CSMD1: variants seen among roughly 807,000 people sequenced by gnomAD.
The protein encoded by CSMD1 is CUB and Sushi multiple domains 1, also known as CUB and sushi domain-containing protein 1.
Under a neutral mutation model 417.5 loss-of-function variants are expected in CSMD1, and 213 were observed. The observed-to-expected ratio is 0.51, with a 90% CI of 0.46 to 0.57. CSMD1 has a LOEUF of 0.57. CSMD1 is among the 20% of genes least tolerant of loss of function. The probability of loss-of-function intolerance (pLI) is 0.00; values close to 1 mark genes in which losing one functional copy is unlikely to be tolerated. For missense variants in CSMD1, 6,923 were observed against 4,529.7 expected (o/e 1.53, Z -15.17); for synonymous variants, 2,862 against 1,736.8 (o/e 1.65, Z -16.11).
At chr8:4,331,463 C>T (rs1198275649) in intron 3 of CSMD1, among the ~76,000 whole-genome samples, 1 of 152,128 alleles carries the variant, frequency 6.6e-6, no homozygotes, top group Non-Finnish European at 1.5e-5. Flanking sequence ...AGAGCCTTGC[C>T]AGCCTTCTTT....
At chr8:3,061,440 A>G (rs1812582393) in intron 49 of CSMD1, among the ~76,000 whole-genome samples, 1 of 152,248 alleles carries the variant, frequency 6.6e-6, no homozygotes, top group Non-Finnish European at 1.5e-5. Context: ...AATGTTCGGG[A>G]CATTTACCAT....
intron 6 of CSMD1, among the ~76,000 whole-genome samples, chr8:3,713,743 G>A (rs929691559): frequency 6.6e-6 from 1 of 152,214 alleles, no homozygotes; most frequent in Admixed American, 6.5e-5. Flanking sequence ...AATATGAGGA[G>A]ATGCCATTGC....
intron 3 of CSMD1, among the ~76,000 whole-genome samples, chr8:4,034,557 A>T (rs373926680): frequency 6.6e-6 from 1 of 152,212 alleles, no homozygotes; most frequent in Non-Finnish European, 1.5e-5. Flanking sequence ...TTTCCATTTT[A>T]TCAGGGCAGC....
chr8:4,501,428 G>C (rs1425598827), intron 2 of CSMD1, among the ~76,000 whole-genome samples: 1 of 152,084 alleles, frequency 6.6e-6, no homozygotes, highest in African/African-American at 2.4e-5. Context: ...GGAAGACTTT[G>C]AAGAAGTCGA....
At chr8:4,201,261 G>C (rs1799627326) in intron 3 of CSMD1, among the ~76,000 whole-genome samples, 1 of 152,118 alleles carries the variant, frequency 6.6e-6, no homozygotes, top group African/African-American at 2.4e-5. Context: ...ATTCAGGGCC[G>C]GGCGCAGTGG....
intron 1 of CSMD1, among the ~76,000 whole-genome samples, chr8:4,950,347 A>G (rs116463171): frequency 0.016 from 2,429 of 152,242 alleles, 43 homozygotes; most frequent in African/African-American, 0.044. Context: ...TAAAAGACAG[A>G]TTTTCAAAAG....
At chr8:4,112,640 G>C (rs1006348304) in intron 3 of CSMD1, among the ~76,000 whole-genome samples, 3 of 152,088 alleles carry the variant, frequency 2.0e-5, no homozygotes, top group Non-Finnish European at 4.4e-5. Context: ...CTGTCCAAAG[G>C]GGATCCTGCC....
intron 7 of CSMD1, among the ~76,000 whole-genome samples, chr8:3,623,724 C>T (rs985069266): frequency 2.6e-5 from 4 of 152,104 alleles, no homozygotes; most frequent in African/African-American, 9.7e-5. Flanking sequence ...GCCTGTAATC[C>T]TAGCACTTTG....
chr8:3,308,732 G>GTTTTTTTTTTTTT (rs5888961), intron 23 of CSMD1, among the ~76,000 whole-genome samples: 40 of 108,950 alleles, frequency 3.7e-4, no homozygotes, highest in East Asian at 1.3e-3. Flanking sequence ...CTACTTACAA[G>GTTTTTTTTTTTTT]TTTTTTTTTT....
intron 10 of CSMD1, among the ~76,000 whole-genome samples, chr8:3,523,314 CTAAAT>C (rs1051754773): frequency 6.6e-6 from 1 of 152,142 alleles, no homozygotes; most frequent in Non-Finnish European, 1.5e-5. Context: ...TTTTGCTTTA[CTAAAT>C]TATTTTGTTC....
chr8:4,476,851 C>T (rs1246922786), intron 2 of CSMD1, among the ~76,000 whole-genome samples: 1 of 152,142 alleles, frequency 6.6e-6, no homozygotes, highest in African/African-American at 2.4e-5. Flanking sequence ...ACGAAAAAAG[C>T]TTCAGTCAAA....
At chr8:4,136,863 TTTA>T (rs1432582355) in intron 3 of CSMD1, among the ~76,000 whole-genome samples, 1 of 152,206 alleles carries the variant, frequency 6.6e-6, no homozygotes, top group Admixed American at 6.5e-5. Flanking sequence ...TTTGTGATTA[TTTA>T]CGAATTTCAG....
chr8:4,423,674 A>G (rs1157900118), intron 2 of CSMD1, among the ~76,000 whole-genome samples: 1 of 152,042 alleles, frequency 6.6e-6, no homozygotes, highest in African/African-American at 2.4e-5. Flanking sequence ...CCAAAATCCC[A>G]GCAAGAATTT....
At chr8:4,895,178 G>C (rs891721705) in intron 1 of CSMD1, among the ~76,000 whole-genome samples, 1 of 152,144 alleles carries the variant, frequency 6.6e-6, no homozygotes, top group African/African-American at 2.4e-5. Context: ...ACTATTTGTA[G>C]AAGGTTCAAT....
intron 68 of CSMD1, among the ~76,000 whole-genome samples, chr8:2,945,174 G>T (rs1802138450): frequency 6.6e-6 from 1 of 152,114 alleles, no homozygotes; most frequent in African/African-American, 2.4e-5. Flanking sequence ...TGCCCTACAA[G>T]GTAGTTCCTC....
chr8:3,293,147 T>A lies in CSMD1; in HGVS notation c.3951-8801A>T, dbSNP rs182997532. On this transcript the variant is annotated intron_variant, in intron 25 of 69. Coordinates refer to ENST00000635120, the MANE Select transcript of CSMD1 (RefSeq NM_033225.6). ...AATTCTTTCTTTTAAGAATGTTGAA[T>A]ATTGCCCCCACTCTCTTCTGGCTTG... 3.1e-3 allele frequency among the ~76,000 whole-genome samples: 337 copies of A among 108,914 alleles called. 3 individuals are homozygous for A. Among genetic ancestry groups the A allele is most frequent in the African/African-American group, 8.2e-3 (322 of 39,096 alleles). The allele number at this position is 108,914 out of a possible 152,430, so 71.5% of individuals were successfully genotyped here.
intron 6 of CSMD1, among the ~76,000 whole-genome samples, chr8:3,723,914 C>G (rs1483744091): frequency 6.6e-6 from 1 of 152,142 alleles, no homozygotes; most frequent in Non-Finnish European, 1.5e-5. Flanking sequence ...TATATGGATG[C>G]AGATTCCATT....
chr8:4,186,747 G>A (rs969484834), intron 3 of CSMD1, among the ~76,000 whole-genome samples: 5 of 151,826 alleles, frequency 3.3e-5, no homozygotes, highest in Admixed American at 6.6e-5. Context: ...AGCAATTTGG[G>A]AAGCTGAGGC....
chr8:4,891,460 CAAT>C (rs1402850341), intron 1 of CSMD1, among the ~76,000 whole-genome samples: 1 of 152,092 alleles, frequency 6.6e-6, no homozygotes, highest in Non-Finnish European at 1.5e-5. Context: ...TTTAAGTTTA[CAAT>C]GTTTTTCTTA....
Sources: gnomAD v4.1 joint callset for allele counts (sites outside exome capture counted in the v4.1 genomes callset) on GRCh38, gnomAD v4.1.1 for gene constraint, MANE v1.5 for transcripts, NCBI Gene and HGNC (gene_info 2026-07-23, HGNC 2026-07-21) for gene names.